Variants in PHACTR4 observed in about 807,000 individuals in gnomAD.
The protein encoded by PHACTR4 is phosphatase and actin regulator 4, also known as protein phosphatase 1, regulatory subunit 124.
PHACTR4 carries 51 observed loss-of-function variants against 72.7 expected under a neutral mutation model. The observed-to-expected ratio is 0.70, with a 90% CI of 0.56 to 0.89. PHACTR4 has a LOEUF of 0.89. PHACTR4 is among the 40% of genes least tolerant of loss of function. PHACTR4 has a pLI of 0.00. For missense variants in PHACTR4, 731 were observed against 861.8 expected (o/e 0.85, Z 1.90); for synonymous variants, 255 against 302.5 (o/e 0.84, Z 1.63).
chr1:28,492,736 A>G (rs1304310874), intron 12 of PHACTR4, among the ~76,000 whole-genome samples: 3 of 152,210 alleles, frequency 2.0e-5, no homozygotes, highest in Non-Finnish European at 4.4e-5. Context: ...CTCCAGCCCC[A>G]GCAACGGAGC....
In PHACTR4 at chr1:28,449,526, G is replaced by A. The variant is rs1657777441; in HGVS notation, c.17-9559G>A. The stretch of plus-strand genomic sequence containing the variant: ...TATCCGAAGATGAAAGGTGCTAAGT[G>A]GTTTTTATAAATATCATACATTTAT... On this transcript the variant is annotated intron_variant, in intron 2 of 13. Transcript: ENST00000373839. Among the ~76,000 whole-genome samples the A allele has an allele frequency of 4.6e-5, 7 of 151,924 alleles. 1 individual carries two copies. The highest frequency in any genetic ancestry group is 4.6e-4 in the Admixed American group (7 of 15,236).
chr1:28,459,314 T>G, intron 3 of PHACTR4, 56 bp downstream of exon 3: 1 of 1,490,606 alleles, frequency 6.7e-7, no homozygotes, highest in Non-Finnish European at 9.2e-7. Flanking sequence ...ATGTTAGATG[T>G]ATTTAATTTT....
intron 1 of PHACTR4, among the ~76,000 whole-genome samples, chr1:28,370,520 C>A (rs2124078871): frequency 6.6e-6 from 1 of 151,574 alleles, no homozygotes; most frequent in Admixed American, 6.6e-5. Flanking sequence ...GATCGGTGGA[C>A]CAAAGAACCA....
intron 13 of PHACTR4, among the ~76,000 whole-genome samples, chr1:28,494,045 T>C (rs773058389): frequency 3.2e-4 from 49 of 152,136 alleles, no homozygotes; most frequent in Non-Finnish European, 6.2e-4. Context: ...TATCTTTACA[T>C]GATTCTTAGA....
intron 2 of PHACTR4, among the ~76,000 whole-genome samples, chr1:28,440,451 A>C (rs1476521389): frequency 1.9e-5 from 2 of 105,638 alleles, no homozygotes; most frequent in Non-Finnish European, 3.5e-5. Flanking sequence ...GCTGGAGTGC[A>C]GTGGCTTGAT....
chr1:28,487,259 G>T (rs1438262618), intron 9 of PHACTR4, among the ~76,000 whole-genome samples: 1 of 151,552 alleles, frequency 6.6e-6, no homozygotes, highest in South Asian at 2.1e-4. Flanking sequence ...CCAGCTACTC[G>T]GGAGGCTGCG....
intron 2 of PHACTR4, among the ~76,000 whole-genome samples, chr1:28,426,248 T>C (rs978883685): frequency 3.3e-5 from 5 of 151,656 alleles, no homozygotes; most frequent in African/African-American, 9.7e-5. Flanking sequence ...ATATAAATAG[T>C]CCAATAGTTT....
chr1:28,488,552 GGCCAAGGCGGGAAGATAGCTTGA>G (rs1660847854), intron 9 of PHACTR4, among the ~76,000 whole-genome samples: 1 of 152,066 alleles, frequency 6.6e-6, no homozygotes, highest in Admixed American at 6.6e-5. Flanking sequence ...CAGTTTGGGG[GGCCAAGGCGGGAAGATAGCTTGA>G]GCCCAGGAGG....
At chr1:28,448,527 C>T (rs1379190187) in intron 2 of PHACTR4, among the ~76,000 whole-genome samples, 3 of 144,250 alleles carry the variant, frequency 2.1e-5, no homozygotes, top group African/African-American at 5.2e-5. Flanking sequence ...CCGAGGAGGG[C>T]GGATCATGAG....
chr1:28,457,767 A>G (rs1333347276), intron 2 of PHACTR4: 3 of 912,198 alleles, frequency 3.3e-6, no homozygotes, highest in Non-Finnish European at 3.9e-6. Context: ...ATTTCTACAA[A>G]GTAGAGGTTC....
chr1:28,466,878 C>T, intron 6 of PHACTR4, 110 bp downstream of exon 6: 1 of 1,444,892 alleles, frequency 6.9e-7, no homozygotes, highest in Non-Finnish European at 9.3e-7. Flanking sequence ...TTTTCCATAT[C>T]TTGTCCCTTT....
chr1:28,378,205 A>G (rs1159700749), intron 1 of PHACTR4, among the ~76,000 whole-genome samples: 1 of 144,150 alleles, frequency 6.9e-6, no homozygotes, highest in African/African-American at 2.6e-5. Context: ...TCATAAAAAA[A>G]AAAAAAAAAA....
At chr1:28,478,279 G>T (rs1444527076) in intron 8 of PHACTR4, among the ~76,000 whole-genome samples, 1 of 152,022 alleles carries the variant, frequency 6.6e-6, no homozygotes, top group Admixed American at 6.6e-5. Context: ...TATACACCAC[G>T]TTTTCTTTAT....
At chr1:28,370,117 TC>T (rs1557767770) in intron 1 of PHACTR4, among the ~76,000 whole-genome samples, 1 of 151,144 alleles carries the variant, frequency 6.6e-6, no homozygotes, top group African/African-American at 2.4e-5. Context: ...GCTGCGTTGC[TC>T]CCCCTTTGTG....
chr1:28,468,286 A>G (rs1176684167), intron 6 of PHACTR4, among the ~76,000 whole-genome samples: 1 of 152,170 alleles, frequency 6.6e-6, no homozygotes. Flanking sequence ...ACATGAAGAC[A>G]TTGTGACTCA....
At chr1:28,458,992 C>T in intron 2 of PHACTR4, 93 bp from the exon 3 acceptor site, 1 of 1,187,930 alleles carries the variant, frequency 8.4e-7, no homozygotes. Flanking sequence ...CGATCCTTTC[C>T]AACTACCACA....
chr1:28,377,347 T>C, intron 1 of PHACTR4, among the ~76,000 whole-genome samples: 1 of 151,158 alleles, frequency 6.6e-6, no homozygotes, highest in East Asian at 2.0e-4. Flanking sequence ...CAAGTGATTC[T>C]CCTGCCTCAG....
At chr1:28,458,689 G>A (rs904124807) in intron 2 of PHACTR4, among the ~76,000 whole-genome samples, 6 of 152,164 alleles carry the variant, frequency 3.9e-5, no homozygotes, top group African/African-American at 1.4e-4. Context: ...AAAGGGCAGG[G>A]AAAGGGCAAT....
At chr1:28,474,459 G>T (rs2124506820) in intron 7 of PHACTR4, among the ~76,000 whole-genome samples, 1 of 144,240 alleles carries the variant, frequency 6.9e-6, no homozygotes, top group South Asian at 2.1e-4. Context: ...GGAGGTGGAG[G>T]TTGCAGTGAG....
Sources: gnomAD v4.1 joint callset for allele counts (sites outside exome capture counted in the v4.1 genomes callset) on GRCh38, gnomAD v4.1.1 for gene constraint, MANE v1.5 for transcripts, NCBI Gene and HGNC (gene_info 2026-07-23, HGNC 2026-07-21) for gene names.